The following ANKIB1 variants were observed in gnomAD, a reference collection of about 807,000 sequenced individuals.
ANKIB1 encodes the protein ankyrin repeat and IBR domain containing 1, also known as ankyrin repeat and IBR domain-containing protein 1.
ANKIB1 carries 43 observed loss-of-function variants against 122.1 expected under a neutral mutation model. That is an observed-to-expected ratio of 0.35 (90% CI 0.28 to 0.45). The LOEUF (loss-of-function observed/expected upper bound fraction) is 0.45. Ranked by LOEUF, ANKIB1 falls within the 20% of genes least tolerant of loss-of-function variation. The probability of loss-of-function intolerance (pLI) is 1.00; values close to 1 mark genes in which losing one functional copy is unlikely to be tolerated. For synonymous variants in ANKIB1, 390 were observed against 442.0 expected (o/e 0.88, Z 1.48); for missense variants, 992 against 1,329.5 (o/e 0.75, Z 3.95).
Position 92,395,698 on chromosome 7 carries a change from C to T in ANKIB1, c.2284-667C>T, listed in dbSNP as rs374732089. ...GGATTACAGGTGCCACCACCACGCCCGGCTAATTTTTTGTATTTTTAGTAG... is the reference window on the plus strand; with the variant it reads ...GGATTACAGGTGCCACCACCACGCCTGGCTAATTTTTTGTATTTTTAGTAG... On this transcript the variant is annotated intron_variant, in intron 17 of 19. Coordinates refer to ENST00000265742, the MANE Select transcript of ANKIB1 (RefSeq NM_019004.2). 2.0e-4 allele frequency among the ~76,000 whole-genome samples: 30 copies of T among 151,886 alleles called. No individual in the cohort carries two copies. In the East Asian group the frequency reaches 4.7e-3, roughly 24 times the overall value.
intron 5 of ANKIB1, among the ~76,000 whole-genome samples, chr7:92,333,567 CAGT>C (rs1803223683): frequency 6.6e-6 from 1 of 152,118 alleles, no homozygotes; most frequent in African/African-American, 2.4e-5. Context: ...GTGTTTCTGA[CAGT>C]GGTGATTTTT....
intron 2 of ANKIB1, among the ~76,000 whole-genome samples, chr7:92,298,669 A>G (rs1802402160): frequency 6.6e-6 from 1 of 151,968 alleles, no homozygotes; most frequent in South Asian, 2.1e-4. Context: ...AGGACAAAAA[A>G]TAGAGGATAA....
chr7:92,280,065 A>C (rs1306727366), intron 1 of ANKIB1, among the ~76,000 whole-genome samples: 3 of 152,164 alleles, frequency 2.0e-5, no homozygotes, highest in Non-Finnish European at 2.9e-5. Flanking sequence ...AGCTATGGAG[A>C]CTTATTCTGT....
At chr7:92,275,295 A>G (rs993141720) in intron 1 of ANKIB1, among the ~76,000 whole-genome samples, 2 of 152,158 alleles carry the variant, frequency 1.3e-5, no homozygotes, top group African/African-American at 4.8e-5. Flanking sequence ...ACTGGGGAGT[A>G]TGACATAGAC....
intron 5 of ANKIB1, among the ~76,000 whole-genome samples, chr7:92,338,933 AATATATATATATATAT>A (rs1164398513): frequency 4.6e-5 from 1 of 21,918 alleles, no homozygotes; most frequent in Non-Finnish European, 8.0e-5. Flanking sequence ...AAAAAAAAAA[AATATATATATATATAT>A]ATATATATAT....
chr7:92,315,743 G>C (rs1215514084), intron 3 of ANKIB1, among the ~76,000 whole-genome samples: 1 of 152,106 alleles, frequency 6.6e-6, no homozygotes, highest in East Asian at 1.9e-4. Context: ...TGACTTTCTG[G>C]AATATTGTTT....
intron 1 of ANKIB1, among the ~76,000 whole-genome samples, chr7:92,269,724 C>G (rs1300402314): frequency 1.3e-5 from 2 of 151,928 alleles, no homozygotes; most frequent in African/African-American, 4.8e-5. Context: ...GTTGTATCTT[C>G]TTTCTTCCCT....
At chr7:92,324,625 T>C (rs1347954581) in intron 4 of ANKIB1, among the ~76,000 whole-genome samples, 1 of 152,236 alleles carries the variant, frequency 6.6e-6, no homozygotes, top group African/African-American at 2.4e-5. Context: ...TTATTTTGCC[T>C]ATGCTGGTGA....
chr7:92,309,363 G>GCA (rs904044435), intron 3 of ANKIB1, among the ~76,000 whole-genome samples: 4 of 152,158 alleles, frequency 2.6e-5, no homozygotes, highest in African/African-American at 9.7e-5. Context: ...AGGACTACAG[G>GCA]CACACACATG....
intron 12 of ANKIB1, 114 bp downstream of exon 12, chr7:92,386,757 T>A: frequency 2.0e-6 from 2 of 1,014,490 alleles, no homozygotes; most frequent in Non-Finnish European, 2.6e-6. Flanking sequence ...TGAATATACT[T>A]TATTATAGCC....
chr7:92,270,496 G>A (rs1801763859), intron 1 of ANKIB1, among the ~76,000 whole-genome samples: 1 of 152,116 alleles, frequency 6.6e-6, no homozygotes, highest in South Asian at 2.1e-4. Context: ...CAGTAATTCA[G>A]GTAGTAGAAG....
intron 1 of ANKIB1, among the ~76,000 whole-genome samples, chr7:92,291,033 C>T (rs1802233572): frequency 6.6e-6 from 1 of 152,090 alleles, no homozygotes; most frequent in Non-Finnish European, 1.5e-5. Context: ...GTGGCTCGCA[C>T]CTGTAATGTC....
chr7:92,385,527 T>C (rs1456260132), intron 11 of ANKIB1, among the ~76,000 whole-genome samples: 1 of 152,322 alleles, frequency 6.6e-6, no homozygotes, highest in East Asian at 1.9e-4. Context: ...GTGGTACATA[T>C]ACACCATGGA....
intron 3 of ANKIB1, among the ~76,000 whole-genome samples, chr7:92,310,456 C>A (rs982249994): frequency 2.0e-5 from 3 of 152,032 alleles, no homozygotes; most frequent in African/African-American, 2.4e-5. Context: ...ACCTTAGGCC[C>A]TTAATGATTT....
intron 1 of ANKIB1, among the ~76,000 whole-genome samples, chr7:92,287,749 A>G (rs1428753970): frequency 6.6e-6 from 1 of 152,086 alleles, no homozygotes; most frequent in Non-Finnish European, 1.5e-5. Flanking sequence ...AAAAGGAAAA[A>G]AAAAGGCCAG....
At chr7:92,367,358 A>G (rs1804112091) in intron 10 of ANKIB1, among the ~76,000 whole-genome samples, 1 of 152,266 alleles carries the variant, frequency 6.6e-6, no homozygotes, top group Non-Finnish European at 1.5e-5. Context: ...TAGGGCGAGG[A>G]TTAAAGTGAA....
At chr7:92,282,419 C>T (rs1802028048) in intron 1 of ANKIB1, among the ~76,000 whole-genome samples, 1 of 152,184 alleles carries the variant, frequency 6.6e-6, no homozygotes, top group East Asian at 1.9e-4. Context: ...GCTGAGATAA[C>T]AGGCATGAGC....
At chr7:92,342,923 A>T in intron 5 of ANKIB1, 101 bp from the exon 6 acceptor site, 3 of 1,078,814 alleles carry the variant, frequency 2.8e-6, no homozygotes, top group Admixed American at 4.0e-5. Context: ...TTTTCTTTAG[A>T]TGACCAAAAT....
At chr7:92,333,166 T>C (rs1411929792) in intron 5 of ANKIB1, among the ~76,000 whole-genome samples, 1 of 152,204 alleles carries the variant, frequency 6.6e-6, no homozygotes, top group African/African-American at 2.4e-5. Flanking sequence ...CAGAATAATC[T>C]TATCAAATCT....
Sources: allele counts gnomAD v4.1 joint callset (sites outside exome capture counted in the v4.1 genomes callset), GRCh38; gene constraint gnomAD v4.1.1; transcripts MANE v1.5; gene names NCBI Gene and HGNC (gene_info 2026-07-23, HGNC 2026-07-21).